The following DIAPH2 variants were observed in gnomAD, a reference collection of about 807,000 sequenced individuals.
The protein encoded by DIAPH2 is protein diaphanous homolog 2.
In DIAPH2, 35 loss-of-function variants were observed where a neutral mutation model predicts 92.7. The observed-to-expected ratio is 0.38, with a 90% CI of 0.29 to 0.50. The LOEUF is 0.50. DIAPH2 is among the 20% of genes least tolerant of loss of function. DIAPH2 has a pLI of 0.94. For missense variants in DIAPH2, 701 were observed against 819.5 expected, an observed-to-expected ratio of 0.86 and a Z score of 1.77; for synonymous variants, 301 against 280.4, an observed-to-expected ratio of 1.07 and a Z score of -0.73.
intron 23 of DIAPH2, among the ~76,000 whole-genome samples, chrX:97,309,215 C>G (rs1182257400): frequency 9.2e-6 from 1 of 108,840 alleles, no homozygotes; most frequent in African/African-American, 3.3e-5. Context: ...ACTCCTGCCT[C>G]AGCCTCCCGA....
At chrX:97,599,083 G>A (rs2071574509) in intron 26 of DIAPH2, among the ~76,000 whole-genome samples, 170 bp from the exon 27 acceptor site, 1 of 112,093 alleles carries the variant, frequency 8.9e-6, no homozygotes, top group Non-Finnish European at 1.9e-5. Flanking sequence ...GAACTCAGCC[G>A]GGCAGCTGCC....
intron 24 of DIAPH2, among the ~76,000 whole-genome samples, chrX:97,364,838 A>G (rs759975852): frequency 2.7e-4 from 27 of 99,611 alleles, no homozygotes; most frequent in Middle Eastern, 6.1e-3. Flanking sequence ...TTGGTCCTGC[A>G]TATTTTTCTT....
At chrX:96,792,610 C>A (rs1457305942) in intron 4 of DIAPH2, among the ~76,000 whole-genome samples, 1 of 112,101 alleles carries the variant, frequency 8.9e-6, no homozygotes, top group East Asian at 2.8e-4. Flanking sequence ...AACTGATTTA[C>A]AAATAGACTT....
At chrX:96,735,724 G>T (rs1556112077) in intron 1 of DIAPH2, 34 bp from the exon 2 acceptor site, 5 of 897,768 alleles carry the variant, frequency 5.6e-6, no homozygotes, top group African/African-American at 2.0e-5. Context: ...TATCTGATGG[G>T]TTTTTTTTGT....
chrX:97,123,053 G>A (rs757834829), intron 21 of DIAPH2, among the ~76,000 whole-genome samples: 28 of 111,973 alleles, frequency 2.5e-4, no homozygotes, highest in African/African-American at 7.8e-4. Flanking sequence ...ATTATATTAC[G>A]TTGAAGCAAG....
intron 23 of DIAPH2, among the ~76,000 whole-genome samples, chrX:97,269,495 A>G (rs757455271): frequency 4.5e-4 from 51 of 112,171 alleles, no homozygotes; most frequent in African/African-American, 1.4e-3. Flanking sequence ...TTGCCAGACA[A>G]TGTTCTAAAT....
intron 23 of DIAPH2, among the ~76,000 whole-genome samples, chrX:97,318,452 C>G (rs771433826): frequency 2.5e-5 from 2 of 78,492 alleles, no homozygotes; most frequent in Admixed American, 1.5e-4. Context: ...CTGGTCTATT[C>G]TTGATTACAG....
intron 26 of DIAPH2, chrX:97,564,441 T>C (rs1190531361): frequency 8.9e-6 from 1 of 112,000 alleles, no homozygotes; most frequent in Non-Finnish European, 1.9e-5. Context: ...TGATGAGTGT[T>C]TGCTCTCTGC....
chrX:96,960,858 T>C (rs1266140126), intron 16 of DIAPH2, among the ~76,000 whole-genome samples: 1 of 112,469 alleles, frequency 8.9e-6, no homozygotes, highest in Non-Finnish European at 1.9e-5. Context: ...GAGATAATTA[T>C]ATAGTTTTCA....
Position 97,601,471 on chromosome X carries a change from T to G in DIAPH2, c.*2154T>G, listed in dbSNP as rs760140943. 9.0e-6 allele frequency: 1 copy of G among 111,710 alleles called. No homozygotes were observed. Among genetic ancestry groups the G allele is most frequent in the East Asian group, 2.8e-4 (1 of 3,564 alleles). 9.2% of individuals were successfully genotyped at this position (111,710 alleles called of 1,213,427 possible). On this transcript the variant is annotated 3_prime_UTR_variant, in exon 27 of 27. Coordinates refer to ENST00000324765, the MANE Select transcript of DIAPH2 (RefSeq NM_006729.5). ...TAAAAAAAAAAACCTTTCAGGGTCTTTCATGAAGTTCCAATAGTTGAGTGA... is the reference window on the plus strand; with the variant it reads ...TAAAAAAAAAAACCTTTCAGGGTCTGTCATGAAGTTCCAATAGTTGAGTGA...
At chrX:97,172,748 G>A (rs761634345) in intron 22 of DIAPH2, among the ~76,000 whole-genome samples, 1 of 111,585 alleles carries the variant, frequency 9.0e-6, no homozygotes, top group East Asian at 2.8e-4. Flanking sequence ...AGAACTATTC[G>A]TGCTGCTATT....
intron 4 of DIAPH2, among the ~76,000 whole-genome samples, chrX:96,853,805 CATTTTATTG>C (rs1375130881): frequency 9.0e-6 from 1 of 111,500 alleles, no homozygotes; most frequent in Non-Finnish European, 1.9e-5. Flanking sequence ...AAAACTATAG[CATTTTATTG>C]ATTTTATTTT....
chrX:97,146,110 T>C (rs898142695), intron 22 of DIAPH2, among the ~76,000 whole-genome samples: 1 of 100,617 alleles, frequency 9.9e-6, no homozygotes, highest in African/African-American at 3.6e-5. Context: ...TCAAGCCAAT[T>C]ACCTCTTATT....
At chrX:97,444,074 G>GT (rs941498533) in intron 26 of DIAPH2, among the ~76,000 whole-genome samples, 38 of 111,711 alleles carry the variant, frequency 3.4e-4, no homozygotes, top group Admixed American at 3.2e-3. Context: ...GATCTTTCTC[G>GT]TTTAAGGGTT....
chrX:97,591,787 T>C (rs544508753), intron 26 of DIAPH2, among the ~76,000 whole-genome samples: 6 of 112,218 alleles, frequency 5.3e-5, no homozygotes, highest in African/African-American at 1.9e-4. Context: ...CATCAGACTT[T>C]GAACATCATA....
intron 24 of DIAPH2, among the ~76,000 whole-genome samples, chrX:97,364,759 G>GTTTTTTTTTGTTT (rs1279508605): frequency 8.0e-4 from 45 of 56,553 alleles, no homozygotes; most frequent in African/African-American, 2.5e-3. Flanking sequence ...GTCTCCTGGT[G>GTTTTTTTTTGTTT]TTTTTTTTTT....
At chrX:96,892,811 G>A (rs954731915) in intron 5 of DIAPH2, among the ~76,000 whole-genome samples, 7 of 111,161 alleles carry the variant, frequency 6.3e-5, no homozygotes, top group East Asian at 2.8e-4. Flanking sequence ...ACATTTTCTC[G>A]TTTAAATGAT....
intron 26 of DIAPH2, among the ~76,000 whole-genome samples, chrX:97,535,708 C>T (rs2071090866): frequency 8.9e-6 from 1 of 112,121 alleles, no homozygotes; most frequent in African/African-American, 3.2e-5. Flanking sequence ...CCTCCGCCTC[C>T]CAAAGTGCTG....
intron 22 of DIAPH2, among the ~76,000 whole-genome samples, chrX:97,240,760 G>A (rs953689530): frequency 5.4e-5 from 6 of 111,295 alleles, no homozygotes; most frequent in Non-Finnish European, 7.5e-5. Flanking sequence ...TTGGAAGGTA[G>A]GGTGTAGGAA....
Sources: allele counts gnomAD v4.1 joint callset (sites outside exome capture counted in the v4.1 genomes callset), GRCh38; gene constraint gnomAD v4.1.1; transcripts MANE v1.5; gene names NCBI Gene and HGNC (gene_info 2026-07-23, HGNC 2026-07-21).